Variants in CSF2RB observed in about 807,000 individuals in gnomAD.
CSF2RB encodes the protein cytokine receptor common subunit beta.
Under a neutral mutation model 67.2 loss-of-function variants are expected in CSF2RB, and 22 were observed. The ratio of observed to expected loss-of-function variants is 0.33; its 90% CI spans 0.23 to 0.47. The LOEUF (loss-of-function observed/expected upper bound fraction) is 0.47. CSF2RB is among the 20% of genes least tolerant of loss of function. The pLI, the probability that CSF2RB is intolerant of heterozygous loss-of-function variation, is 1.00. For synonymous variants in CSF2RB, 507 were observed against 482.9 expected (o/e 1.05, Z -0.65); for missense variants, 1,113 against 1,174.5 (o/e 0.95, Z 0.76).
chr22:36,929,607 C>A, intron 5 of CSF2RB, 32 bp from the exon 6 acceptor site: 1 of 1,614,212 alleles, frequency 6.2e-7, no homozygotes, highest in Non-Finnish European at 8.5e-7. Flanking sequence ...ATGGGCAGCA[C>A]CCCTCCTCCA....
In CSF2RB at chr22:36,940,303, A is replaced by G. The variant is rs1941356921; in HGVS notation, c.*1801A>G. 1 of 152,254 alleles carries G rather than the reference A, an allele frequency of 6.6e-6. No homozygotes were observed. The highest frequency in any genetic ancestry group is 2.4e-5 in the African/African-American group (1 of 41,464). 9.4% of individuals were successfully genotyped at this position (152,254 alleles called of 1,614,324 possible). ...GAAATACATAACAACATTTTAGTAC[A>G]TTGTAAAGTAGAATCCTCTGTTCAT... On this transcript the variant is annotated 3_prime_UTR_variant, in exon 14 of 14. Coordinates refer to ENST00000403662, the MANE Select transcript of CSF2RB (RefSeq NM_000395.3).
chr22:36,918,108 T>C (rs954059199), intron 1 of CSF2RB, among the ~76,000 whole-genome samples: 2 of 152,208 alleles, frequency 1.3e-5, no homozygotes, highest in Non-Finnish European at 2.9e-5. Context: ...TAGTTCAATA[T>C]TCTTCTTTAA....
At chr22:36,914,878 A>G (rs1167648699) in intron 1 of CSF2RB, among the ~76,000 whole-genome samples, 2 of 152,198 alleles carry the variant, frequency 1.3e-5, no homozygotes, top group Non-Finnish European at 2.9e-5. Context: ...TAAGGAATGT[A>G]TTTAATGCTA....
At position 36,935,393 on chromosome 22, in the gene CSF2RB, C is replaced by T. The variant is rs1941245103; in HGVS notation, c.1358C>T (p.Thr453Ile). The T allele has an allele frequency of 2.5e-6, 4 of 1,614,098 alleles. No individual in the cohort carries two copies. The highest frequency in any genetic ancestry group is 3.4e-6 in the Non-Finnish European group (4 of 1,180,050). ...CTGGCCCTCATCGTGATCTTCCTCA[C>T]CATCGCTGTGCTCCTGGCCCTCCGC... ...WVLALIVIFL[T>I]IAVLLALRFC... The change falls in exon 11 of 14, where the codon ACC (threonine) becomes ATC (isoleucine). Residue 453 changes from threonine to isoleucine, a missense_variant. By Grantham distance (89) the Thr-to-Ile change is moderately conservative (BLOSUM62 -1). Transcript: ENST00000403662.
intron 8 of CSF2RB, among the ~76,000 whole-genome samples, chr22:36,932,548 A>G (rs1323610904): frequency 6.6e-6 from 1 of 152,212 alleles, no homozygotes; most frequent in Non-Finnish European, 1.5e-5. Context: ...GCACTGGGCC[A>G]CATCACTACA....
chr22:36,926,181 AGGGGCTGGGGGCCCTGCCC>A lies in CSF2RB; in HGVS notation c.391+11_391+29del. 1.2e-6 allele frequency: 2 copies of A among 1,613,736 alleles called. No individual in the cohort carries two copies. The highest frequency in any genetic ancestry group is 2.2e-5 in the South Asian group (2 of 91,062). On this transcript the variant is annotated splice_donor_5th_base_variant and intron_variant, in intron 4 of 13. Transcript: ENST00000403662. ...ACCGTCACTCTGACCCAGCATGGTG[AGGGGCTGGGGGCCCTGCCC>A]GGGGCTTGGTTTCCTGTGTGGACAG... is the stretch of plus-strand genomic sequence containing the variant.
intron 4 of CSF2RB, among the ~76,000 whole-genome samples, chr22:36,926,962 G>T (rs1941031470): frequency 6.6e-6 from 1 of 152,112 alleles, no homozygotes; most frequent in Non-Finnish European, 1.5e-5. Context: ...ACCACGGCAG[G>T]CTTGGTGCTG....
intron 3 of CSF2RB, chr22:36,923,657 A>G: frequency 7.2e-7 from 1 of 1,384,830 alleles, no homozygotes; most frequent in South Asian, 1.2e-5. Flanking sequence ...ACAATTTAAC[A>G]CAATTGCCCC....
At chr22:36,921,388 G>T (rs888595837) in intron 1 of CSF2RB, among the ~76,000 whole-genome samples, 1 of 151,416 alleles carries the variant, frequency 6.6e-6, no homozygotes, top group African/African-American at 2.4e-5. Context: ...TGCATGTTTT[G>T]TGTGTACGTG....
At chr22:36,927,694 C>A (rs944380671) in intron 4 of CSF2RB, among the ~76,000 whole-genome samples, 3 of 152,110 alleles carry the variant, frequency 2.0e-5, no homozygotes, top group Non-Finnish European at 2.9e-5. Context: ...GCATGGAGAG[C>A]ACTGAGGGGA....
intron 4 of CSF2RB, among the ~76,000 whole-genome samples, 190 bp downstream of exon 4, chr22:36,926,367 C>T (rs753082333): frequency 1.8e-4 from 27 of 152,212 alleles, no homozygotes; most frequent in Non-Finnish European, 3.7e-4. Flanking sequence ...AAGGCTTCTC[C>T]TGTGCCCCTG....
intron 8 of CSF2RB, among the ~76,000 whole-genome samples, 154 bp from the exon 9 acceptor site, chr22:36,932,611 G>T (rs963013809): frequency 2.6e-5 from 4 of 152,196 alleles, no homozygotes; most frequent in Non-Finnish European, 5.9e-5. Context: ...GTCAAAACAT[G>T]ATATAGTGAA....
At chr22:36,928,353 T>C (rs1237599843) in intron 4 of CSF2RB, among the ~76,000 whole-genome samples, 1 of 151,826 alleles carries the variant, frequency 6.6e-6, no homozygotes, top group East Asian at 1.9e-4. Context: ...CGGGAAGAGC[T>C]CCCCCTCCAT....
At chr22:36,928,301 C>A (rs1431445452) in intron 4 of CSF2RB, among the ~76,000 whole-genome samples, 1 of 152,072 alleles carries the variant, frequency 6.6e-6, no homozygotes, top group Non-Finnish European at 1.5e-5. Flanking sequence ...TGATGGGGCT[C>A]CCAGTCTGCG....
chr22:36,926,808 C>T (rs1017461836), intron 4 of CSF2RB, among the ~76,000 whole-genome samples: 2 of 152,156 alleles, frequency 1.3e-5, no homozygotes, highest in Admixed American at 6.5e-5. Flanking sequence ...ACTTCGAAGT[C>T]CTGGATTCAA....
intron 3 of CSF2RB, among the ~76,000 whole-genome samples, chr22:36,924,126 C>T (rs1047958267): frequency 2.6e-5 from 4 of 151,858 alleles, no homozygotes; most frequent in Admixed American, 2.0e-4. Flanking sequence ...ACCCCTCCAC[C>T]GCCTTCAGTT....
rs1471093968 is a variant in CSF2RB, at chr22:36,938,530, A to T, written c.*28A>T. 2 of 1,588,632 alleles carry T rather than the reference A, an allele frequency of 1.3e-6. No individual in the cohort carries two copies. Among genetic ancestry groups the T allele is most frequent in the African/African-American group, 2.7e-5 (2 of 73,822 alleles). ...CCCCCAGGCCTAGACAGGCAAGGGGATGGAGAGGGCTTGCCTTCCCTCCCG... is the reference window on the plus strand; with the variant it reads ...CCCCCAGGCCTAGACAGGCAAGGGGTTGGAGAGGGCTTGCCTTCCCTCCCG... On this transcript the variant is annotated 3_prime_UTR_variant, in exon 14 of 14. Coordinates refer to ENST00000403662, the MANE Select transcript of CSF2RB (RefSeq NM_000395.3).
chr22:36,936,974 C>T (rs190865684), intron 13 of CSF2RB, among the ~76,000 whole-genome samples: 5 of 152,178 alleles, frequency 3.3e-5, no homozygotes, highest in East Asian at 3.9e-4. Context: ...GGGAACTCGG[C>T]GCCTGAGCCG....
intron 1 of CSF2RB, among the ~76,000 whole-genome samples, chr22:36,920,661 A>G (rs867604545): frequency 3.0e-4 from 46 of 152,338 alleles, no homozygotes; most frequent in Middle Eastern, 3.4e-3. Flanking sequence ...TTGACAAATT[A>G]CAGAAGATTT....
Sources: allele counts gnomAD v4.1 joint callset (sites outside exome capture counted in the v4.1 genomes callset), GRCh38; gene constraint gnomAD v4.1.1; transcripts MANE v1.5; gene names NCBI Gene and HGNC (gene_info 2026-07-23, HGNC 2026-07-21).